FRAS1: variants seen among roughly 807,000 people sequenced by gnomAD.
FRAS1 encodes the protein Fraser extracellular matrix complex subunit 1.
In FRAS1, 290 loss-of-function variants were observed where a neutral mutation model predicts 435.2. The ratio of observed to expected loss-of-function variants is 0.67; its 90% CI spans 0.61 to 0.73. The LOEUF (loss-of-function observed/expected upper bound fraction) is 0.73, where lower values mean the gene tolerates loss of function less well. Ranked by LOEUF, FRAS1 falls within the 30% of genes least tolerant of loss-of-function variation. The pLI is 0.00. For synonymous variants in FRAS1, 1,800 were observed against 1,851.0 expected (o/e 0.97, Z 0.71); for missense variants, 4,860 against 5,001.5 (o/e 0.97, Z 0.85).
At chr4:78,203,293 A>T (rs1296842865) in intron 2 of FRAS1, among the ~76,000 whole-genome samples, 1 of 152,182 alleles carries the variant, frequency 6.6e-6, no homozygotes, top group African/African-American at 2.4e-5. Flanking sequence ...AAGGGACTGA[A>T]AGGTAACTGA....
chr4:78,450,491 T>TC, intron 45 of FRAS1, 152 bp downstream of exon 45: 1 of 659,960 alleles, frequency 1.5e-6, no homozygotes, highest in Non-Finnish European at 2.6e-6. Flanking sequence ...TCTTATTTTT[T>TC]TTTTCTTTTT....
At chr4:78,299,819 G>A (rs1166693138) in intron 14 of FRAS1, among the ~76,000 whole-genome samples, 7 of 152,118 alleles carry the variant, frequency 4.6e-5, no homozygotes, top group East Asian at 1.9e-4. Context: ...CATTTCCTTG[G>A]CACTTATGCC....
chr4:78,503,315 A>G (rs10001810), intron 61 of FRAS1, among the ~76,000 whole-genome samples: 49,977 of 152,066 alleles, frequency 0.33, 8,936 homozygotes, highest in South Asian at 0.52. Context: ...TACCTCTGAT[A>G]GAATTTGGCT....
At chr4:78,092,672 A>G (rs2109901893) in intron 2 of FRAS1, among the ~76,000 whole-genome samples, 1 of 152,316 alleles carries the variant, frequency 6.6e-6, no homozygotes, top group South Asian at 2.1e-4. Context: ...CATTTCATAA[A>G]TGGGAGTGGT....
intron 1 of FRAS1, among the ~76,000 whole-genome samples, chr4:78,062,822 AC>A (rs1739818007): frequency 6.6e-6 from 1 of 152,166 alleles, no homozygotes; most frequent in Non-Finnish European, 1.5e-5. Flanking sequence ...CCTTCTTGAC[AC>A]TATAAAATTA....
At chr4:78,238,525 C>T (rs761275757) in intron 3 of FRAS1, among the ~76,000 whole-genome samples, 3 of 151,692 alleles carry the variant, frequency 2.0e-5, no homozygotes, top group Non-Finnish European at 4.4e-5. Flanking sequence ...TCTGTTTGTA[C>T]CAGACACTGA....
intron 58 of FRAS1, among the ~76,000 whole-genome samples, chr4:78,485,092 A>C (rs1375848016): frequency 6.6e-6 from 1 of 152,212 alleles, no homozygotes; most frequent in Admixed American, 6.5e-5. Flanking sequence ...TAGCCCCACC[A>C]CTTCCTAGGT....
At chr4:78,116,041 A>G (rs1578133837) in intron 2 of FRAS1, among the ~76,000 whole-genome samples, 1 of 152,024 alleles carries the variant, frequency 6.6e-6, no homozygotes, top group Non-Finnish European at 1.5e-5. Context: ...CTTTGTTCTC[A>G]TTGGTTTCAA....
At chr4:78,137,194 T>C (rs538383713) in intron 2 of FRAS1, among the ~76,000 whole-genome samples, 15 of 152,308 alleles carry the variant, frequency 9.8e-5, no homozygotes, top group African/African-American at 3.6e-4. Flanking sequence ...GTTTTTTCCT[T>C]CAGGTAAGGA....
chr4:78,337,694 C>A lies in FRAS1; in HGVS notation c.2299C>A (p.Gln767Lys), dbSNP rs758611277. The A allele has an allele frequency of 6.2e-7, 1 of 1,613,262 alleles. No homozygotes were observed. ...GCCAGAGTGTCACCCAACCTGCAGGCAGTGTCATGGGCCGTTGGAGTCTGA... is the reference window on the plus strand; with the variant it reads ...GCCAGAGTGTCACCCAACCTGCAGGAAGTGTCATGGGCCGTTGGAGTCTGA... Reference protein sequence around the residue: ...SCTECHPTCRQCHGPLESDCI... With the variant: ...SCTECHPTCRKCHGPLESDCI... Residue 767 changes from glutamine to lysine, a missense_variant, in exon 20 of 74, where the codon CAG becomes AAG. Gln to Lys is a moderately conservative substitution (Grantham distance 53). Coordinates refer to ENST00000512123, the MANE Select transcript of FRAS1 (RefSeq NM_025074.7).
At chr4:78,086,226 A>C (rs551238466) in intron 2 of FRAS1, among the ~76,000 whole-genome samples, 1 of 152,228 alleles carries the variant, frequency 6.6e-6, no homozygotes, top group South Asian at 2.1e-4. Context: ...TTTGAAAGCA[A>C]TGAGAACAAA....
chr4:78,405,903 A>G (rs1733078164), intron 30 of FRAS1, among the ~76,000 whole-genome samples: 1 of 152,178 alleles, frequency 6.6e-6, no homozygotes, highest in African/African-American at 2.4e-5. Context: ...TCTCCTGTGA[A>G]ATTTTAATTG....
chr4:78,167,798 A>G (rs548468955), intron 2 of FRAS1, among the ~76,000 whole-genome samples: 90 of 152,152 alleles, frequency 5.9e-4, no homozygotes, highest in Non-Finnish European at 6.8e-4. Flanking sequence ...TAGATAAGCC[A>G]GTTGACACAG....
At chr4:78,267,882 G>T (rs908120830) in intron 9 of FRAS1, among the ~76,000 whole-genome samples, 2 of 152,174 alleles carry the variant, frequency 1.3e-5, no homozygotes, top group Admixed American at 6.5e-5. Flanking sequence ...CGCTTCCGTG[G>T]ATCAGGAAAA....
chr4:78,479,676 G>C lies in FRAS1; in HGVS notation c.8401G>C (p.Val2801Leu). Reference sequence around the variant, plus strand: ...TAGTGGTCCCAACGATGCCTCGACTGTGTCCCTGGGCAACACGGCTTTCAC... The same window carrying C: ...TAGTGGTCCCAACGATGCCTCGACTCTGTCCCTGGGCAACACGGCTTTCAC... ...LISGPNDAST[V>L]SLGNTAFTVS... The change falls in exon 56 of 74, where the codon GTG (valine) becomes CTG (leucine). Residue 2801 changes from valine (V) to leucine (L), a missense_variant. Val to Leu is a conservative substitution (Grantham distance 32, BLOSUM62 1). Coordinates refer to ENST00000512123, the MANE Select transcript of FRAS1 (RefSeq NM_025074.7). 1 of 1,607,884 alleles carries C rather than the reference G, an allele frequency of 6.2e-7. No individual in the cohort carries two copies. Among genetic ancestry groups the C allele is most frequent in the Non-Finnish European group, 8.5e-7 (1 of 1,175,952 alleles).
intron 29 of FRAS1, among the ~76,000 whole-genome samples, chr4:78,389,583 G>A (rs760264680): frequency 2.0e-5 from 3 of 152,350 alleles, no homozygotes; most frequent in South Asian, 4.1e-4. Context: ...TCACTCTTGC[G>A]ATGGCCCTGG....
intron 20 of FRAS1, among the ~76,000 whole-genome samples, chr4:78,360,721 G>T (rs1731043591): frequency 6.6e-6 from 1 of 152,108 alleles, no homozygotes; most frequent in African/African-American, 2.4e-5. Context: ...AGCACTGCTG[G>T]GTGAGGGGGA....
chr4:78,317,514 G>T lies in FRAS1; in HGVS notation c.1960+6G>T. On this transcript the variant is annotated splice_donor_region_variant and intron_variant, in intron 17 of 73. Transcript: ENST00000512123. Reference sequence around the variant, plus strand: ...TGACCATGGAGTCTGCAAAGGTATCGTTGGTGTCACCATCATTCTTGAGAG... The same window carrying T: ...TGACCATGGAGTCTGCAAAGGTATCTTTGGTGTCACCATCATTCTTGAGAG... The T allele has an allele frequency of 6.2e-7, 1 of 1,609,076 alleles. No homozygotes were observed. Among genetic ancestry groups the T allele is most frequent in the Non-Finnish European group, 8.5e-7 (1 of 1,178,156 alleles).
chr4:78,454,038 A>T (rs1376266182), intron 47 of FRAS1, among the ~76,000 whole-genome samples: 2 of 152,134 alleles, frequency 1.3e-5, no homozygotes, highest in African/African-American at 2.4e-5. Context: ...TCAGATGGTG[A>T]TGAGTGTCTA....
Sources: allele counts gnomAD v4.1 joint callset (sites outside exome capture counted in the v4.1 genomes callset), GRCh38; gene constraint gnomAD v4.1.1; transcripts MANE v1.5; gene names NCBI Gene and HGNC (gene_info 2026-07-23, HGNC 2026-07-21).